Variants in NEDD4 observed in about 807,000 individuals in gnomAD.
The protein encoded by NEDD4 is NEDD4 E3 ubiquitin protein ligase.
In NEDD4, 99 loss-of-function variants were observed where a neutral mutation model predicts 144.9. That is an observed-to-expected ratio of 0.68 (90% CI 0.58 to 0.81). NEDD4 has a LOEUF of 0.81. NEDD4 is among the 30% of genes least tolerant of loss of function. The pLI, the probability that NEDD4 is intolerant of heterozygous loss-of-function variation, is 0.00. For synonymous variants in NEDD4, 318 were observed against 350.6 expected (o/e 0.91, Z 1.04); for missense variants, 985 against 1,065.9 (o/e 0.92, Z 1.06).
chr15:55,876,431 T>C (rs1372376543), intron 5 of NEDD4, among the ~76,000 whole-genome samples: 1 of 152,072 alleles, frequency 6.6e-6, no homozygotes, highest in Non-Finnish European at 1.5e-5. Context: ...ATCGCTATAC[T>C]ATGGGTTTAA....
intron 5 of NEDD4, chr15:55,916,218 TTTCCACC>T: frequency 6.2e-7 from 1 of 1,613,994 alleles, no homozygotes; most frequent in African/African-American, 1.3e-5. Context: ...AGAAGGTAAG[TTTCCACC>T]CAAAAAAGTA....
At chr15:55,872,331 C>T in intron 7 of NEDD4, 84 bp downstream of exon 7, 1 of 448,298 alleles carries the variant, frequency 2.2e-6, no homozygotes, top group Non-Finnish European at 3.9e-6. Context: ...GAGGTTTAAA[C>T]CCTGAATTTC....
Position 55,874,004 on chromosome 15 carries a change from C to A in NEDD4, c.296G>T (p.Arg99Ile). 2 of 1,526,266 alleles carry A rather than the reference C, an allele frequency of 1.3e-6. No individual in the cohort carries two copies. Among genetic ancestry groups the A allele is most frequent in the East Asian group, 2.4e-5 (1 of 41,054 alleles). The allele number at this position is 1,526,266 out of a possible 1,614,324, so 94.5% of individuals were successfully genotyped here. A position where few individuals can be genotyped will look rare whatever the true frequency, so the allele number is the denominator to read the frequency against. ...ATCCACTTGACCTAGGAAATCATCTCTTGTCTATAAGAGAAGGAAGAAAAA... is the reference window on the plus strand; with the variant it reads ...ATCCACTTGACCTAGGAAATCATCTATTGTCTATAAGAGAAGGAAGAAAAA... ...FEVFDENRLTRDDFLGQVDVP... is the reference protein window; with the variant it reads ...FEVFDENRLTIDDFLGQVDVP... Residue 99 changes from arginine (R) to isoleucine (I), a missense_variant, in exon 6 of 29, where the codon AGA becomes ATA. Physicochemically the swap from Arg to Ile is moderately conservative, Grantham distance 97 (BLOSUM62 -3). Coordinates refer to ENST00000435532, the MANE Select transcript of NEDD4 (RefSeq NM_006154.4).
chr15:55,932,013 T>C (rs1401443515), intron 4 of NEDD4, among the ~76,000 whole-genome samples: 5 of 152,210 alleles, frequency 3.3e-5, no homozygotes, highest in Non-Finnish European at 7.3e-5. Flanking sequence ...ATATATGGTC[T>C]TTTGTAATTG....
intron 5 of NEDD4, chr15:55,905,393 T>C (rs2036058110): frequency 2.4e-6 from 1 of 411,250 alleles, no homozygotes; most frequent in Non-Finnish European, 4.7e-6. Flanking sequence ...ACCCACCAGT[T>C]GAAAAGCCCA....
intron 4 of NEDD4, among the ~76,000 whole-genome samples, chr15:55,932,158 C>T (rs1050908706): frequency 6.6e-6 from 1 of 152,078 alleles, no homozygotes; most frequent in Non-Finnish European, 1.5e-5. Flanking sequence ...ATGCTGTTTT[C>T]GTGATAGTGA....
At chr15:55,899,586 T>C (rs1358385513) in intron 5 of NEDD4, among the ~76,000 whole-genome samples, 1 of 152,180 alleles carries the variant, frequency 6.6e-6, no homozygotes, top group African/African-American at 2.4e-5. Flanking sequence ...AATAAAGCCA[T>C]TGGGATGGGG....
chr15:55,860,702 A>C lies in NEDD4; in HGVS notation c.751T>G (p.Ser251Ala). Residue 251 changes from serine (S) to alanine (A), a missense_variant, in exon 10 of 29, where the codon TCC becomes GCC. Coordinates refer to ENST00000435532, the MANE Select transcript of NEDD4 (RefSeq NM_006154.4). ...TTGTCAACACTTTCTGTTTCCTCGG[A>C]TATCTGCCGCCTGGTGGTAAATGCA... ...QRAFTTRRQI[S>A]EETESVDNRE... The C allele has an allele frequency of 1.2e-6, 2 of 1,614,190 alleles. No individual in the cohort carries two copies. Among genetic ancestry groups the C allele is most frequent in the Non-Finnish European group, 1.7e-6 (2 of 1,180,024 alleles).
At chr15:55,867,236 C>T (rs1019438036) in intron 8 of NEDD4, among the ~76,000 whole-genome samples, 1 of 152,284 alleles carries the variant, frequency 6.6e-6, no homozygotes, top group African/African-American at 2.4e-5. Context: ...AGGCAAGACT[C>T]CTCTAGTCAT....
intron 11 of NEDD4, among the ~76,000 whole-genome samples, chr15:55,859,095 T>C (rs915404402): frequency 6.6e-6 from 1 of 152,214 alleles, no homozygotes; most frequent in Non-Finnish European, 1.5e-5. Context: ...TGCATATATG[T>C]GATCAGCTCT....
chr15:55,869,695 A>G lies in NEDD4; in HGVS notation c.405-14T>C, dbSNP rs2034706463. 7 of 1,438,844 alleles carry G rather than the reference A, an allele frequency of 4.9e-6. No individual in the cohort carries two copies. Among genetic ancestry groups the G allele is most frequent in the Non-Finnish European group, 6.7e-6 (7 of 1,049,492 alleles). The allele number at this position is 1,438,844 out of a possible 1,614,324, so 89.1% of individuals were successfully genotyped here. ...CTTGATTTGTGACTGTAGAAAAGAA[A>G]ATAAATATTCATAAAACTTTAACAC... On this transcript the variant is annotated splice_polypyrimidine_tract_variant and intron_variant, in intron 7 of 28. Coordinates refer to ENST00000435532, the MANE Select transcript of NEDD4 (RefSeq NM_006154.4).
rs181281248 is a variant in NEDD4 at position 55,957,627 on chromosome 15, T to G, written c.120-6038A>C. Among the ~76,000 whole-genome samples the G allele has an allele frequency of 2.4e-3, 363 of 152,350 alleles. 2 individuals carry two copies. The highest frequency in any genetic ancestry group is 8.4e-3 in the African/African-American group (350 of 41,572). On this transcript the variant is annotated intron_variant, in intron 2 of 28. Coordinates refer to ENST00000435532, the MANE Select transcript of NEDD4 (RefSeq NM_006154.4). ...CCCAGCGATCCCATTACTGGGTATA[T>G]ACCCAAAGGATTATAAATCATGCTG...
At chr15:55,983,311 CGTGCGT>C (rs1566978192) in intron 1 of NEDD4, among the ~76,000 whole-genome samples, 1 of 152,038 alleles carries the variant, frequency 6.6e-6, no homozygotes, top group East Asian at 1.9e-4. Context: ...CGTGCGCGCG[CGTGCGT>C]GCATTTGATT....
At chr15:55,956,782 C>G (rs2037345368) in intron 2 of NEDD4, among the ~76,000 whole-genome samples, 1 of 152,020 alleles carries the variant, frequency 6.6e-6, no homozygotes, top group African/African-American at 2.4e-5. Context: ...TTTGGCTATT[C>G]TATGTGCCTT....
At chr15:55,950,152 A>G (rs1375632697) in intron 4 of NEDD4, among the ~76,000 whole-genome samples, 1 of 152,202 alleles carries the variant, frequency 6.6e-6, no homozygotes, top group Non-Finnish European at 1.5e-5. Flanking sequence ...AAAAACAGAA[A>G]TTTAGCTTCA....
Position 55,835,030 on chromosome 15 carries a change from G to A in NEDD4, c.2263-744C>T, listed in dbSNP as rs574454812. ...TTCTCTTTATTGGCTCACTCTGTAC[G>A]CATTTAAATGTGCTCAACCCATACC... On this transcript the variant is annotated intron_variant, in intron 24 of 28. Transcript: ENST00000435532. Among the ~76,000 whole-genome samples, 5 of 152,204 alleles carry A rather than the reference G, an allele frequency of 3.3e-5. No homozygotes were observed. In the East Asian group the frequency reaches 7.7e-4, roughly 24 times the overall value.
chr15:55,861,984 CTG>C (rs1298620184), intron 9 of NEDD4, among the ~76,000 whole-genome samples: 3 of 152,042 alleles, frequency 2.0e-5, no homozygotes, highest in Admixed American at 6.6e-5. Flanking sequence ...AGTGAAAGAA[CTG>C]TGATTTTGCT....
In NEDD4 at chr15:55,859,679, G is replaced by C. The variant is rs1168116007; in HGVS notation, c.960+728C>G. Among the ~76,000 whole-genome samples the C allele has an allele frequency of 2.0e-5, 3 of 152,290 alleles. No individual in the cohort carries two copies. The South Asian group carries it at 6.2e-4, about 32-fold the overall frequency. On this transcript the variant is annotated intron_variant, in intron 11 of 28. Transcript: ENST00000435532. ...CCACTGCACTCCAGTCTAGGTGACA[G>C]AGTGAGATGTCTCAAAACAAACAAA...
At chr15:55,906,537 A>G (rs2036100950) in intron 5 of NEDD4, among the ~76,000 whole-genome samples, 1 of 152,048 alleles carries the variant, frequency 6.6e-6, no homozygotes, top group African/African-American at 2.4e-5. Flanking sequence ...CAGGGACAAA[A>G]AACCAAACAC....
Sources: allele counts gnomAD v4.1 joint callset (sites outside exome capture counted in the v4.1 genomes callset), GRCh38; gene constraint gnomAD v4.1.1; transcripts MANE v1.5; gene names NCBI Gene and HGNC (gene_info 2026-07-23, HGNC 2026-07-21).